The following HHIP variants were observed in gnomAD, a reference collection of about 807,000 sequenced individuals.
The protein encoded by HHIP is hedgehog interacting protein.
HHIP carries 12 observed loss-of-function variants against 74.0 expected under a neutral mutation model. The observed-to-expected ratio is 0.16, with a 90% CI of 0.10 to 0.26. The LOEUF is 0.26. Among genes scored for constraint, HHIP ranks in the 10% least tolerant of loss-of-function variants. The probability of loss-of-function intolerance (pLI) is 1.00; values close to 1 mark genes in which losing one functional copy is unlikely to be tolerated. For missense variants in HHIP, 788 were observed against 845.0 expected, an observed-to-expected ratio of 0.93 and a Z score of 0.84; for synonymous variants, 309 against 311.6, an observed-to-expected ratio of 0.99 and a Z score of 0.09.
Position 144,646,750 on chromosome 4 carries a change from T to C in HHIP, c.75T>C (p.Phe25=), listed in dbSNP as rs201336103. Residue 25 remains phenylalanine, a synonymous_variant, in exon 1 of 13, where the codon TTT becomes TTC. Transcript: ENST00000296575. ...GCTTCTTTGAAGGAGATGCTAAGTT[T>C]GGGGAAAGAAACGAAGGGAGCGGAG... ...ALGFFEGDAK[F]GERNEGSGAR... The C allele has an allele frequency of 1.7e-5, 28 of 1,613,936 alleles. No individual in the cohort carries two copies. Among genetic ancestry groups the C allele is most frequent in the Non-Finnish European group, 2.2e-5 (26 of 1,180,012 alleles).
chr4:144,735,571 A>G (rs190437560), intron 12 of HHIP, among the ~76,000 whole-genome samples: 320 of 152,306 alleles, frequency 2.1e-3, no homozygotes, highest in African/African-American at 7.3e-3. Flanking sequence ...AATTAGATAA[A>G]TTTAGAAACC....
At chr4:144,715,552 C>G (rs1239564282) in intron 10 of HHIP, 122 bp downstream of exon 10, 2 of 859,988 alleles carry the variant, frequency 2.3e-6, no homozygotes, top group African/African-American at 1.7e-5. Context: ...TAATCCACAG[C>G]AAAGATGACC....
chr4:144,707,047 C>A, intron 5 of HHIP, 40 bp from the exon 6 acceptor site: 2 of 1,568,924 alleles, frequency 1.3e-6, no homozygotes, highest in Non-Finnish European at 1.8e-6. Context: ...CATCTTAAAT[C>A]TTTTAACAGT....
chr4:144,733,799 A>C (rs1443684514), intron 11 of HHIP, among the ~76,000 whole-genome samples: 1 of 152,142 alleles, frequency 6.6e-6, no homozygotes, highest in East Asian at 1.9e-4. Flanking sequence ...CCTGAAGATT[A>C]GGTAATGAGC....
At chr4:144,707,330 C>T in intron 6 of HHIP, 70 bp downstream of exon 6, 1 of 1,318,222 alleles carries the variant, frequency 7.6e-7, no homozygotes, top group Non-Finnish European at 1.0e-6. Flanking sequence ...AAAAGGTGGG[C>T]ACCAGTGAAT....
rs1337590353 is a variant in HHIP at position 144,742,872 on chromosome 4, CTT to C, written c.*4919_*4920del. ...TTATATATATATCTTATATATATAT[CTT>C]TTTATATATATCTTATATATATATC... On this transcript the variant is annotated 3_prime_UTR_variant, in exon 13 of 13. Coordinates refer to ENST00000296575, the MANE Select transcript of HHIP (RefSeq NM_022475.3). The C allele has an allele frequency of 5.4e-5, 6 of 111,724 alleles. No homozygotes were observed. Among genetic ancestry groups the C allele is most frequent in the African/African-American group, 2.2e-4 (6 of 27,752 alleles). The allele number at this position is 111,724 out of a possible 1,614,324, so 6.9% of individuals were successfully genotyped here.
intron 4 of HHIP, among the ~76,000 whole-genome samples, chr4:144,706,293 G>GT (rs1322812972): frequency 1.3e-5 from 2 of 152,182 alleles, no homozygotes; most frequent in Non-Finnish European, 2.9e-5. Flanking sequence ...CAAAAGTGGT[G>GT]TAAGACTCTT....
intron 4 of HHIP, among the ~76,000 whole-genome samples, chr4:144,705,332 C>CAT (rs1408845614): frequency 6.6e-6 from 1 of 152,162 alleles, no homozygotes; most frequent in African/African-American, 2.4e-5. Flanking sequence ...AGAGTGCTTC[C>CAT]ATGACTGAAC....
chr4:144,729,705 T>C (rs1326495994), intron 11 of HHIP, among the ~76,000 whole-genome samples: 3 of 152,212 alleles, frequency 2.0e-5, no homozygotes, highest in Non-Finnish European at 4.4e-5. Context: ...CCAATGTGTC[T>C]GTGGATAAAG....
chr4:144,646,270 C>A lies in HHIP; in HGVS notation c.-406C>A. On this transcript the variant is annotated 5_prime_UTR_variant, in exon 1 of 13. Transcript: ENST00000296575. The stretch of plus-strand genomic sequence containing the variant: ...CGCCGCCGCCGTCGCCGTTTCTGTT[C>A]CTGCTACTGTCCCACCTAAACAACT... 5.8e-6 allele frequency: 1 copy of A among 171,448 alleles called. No individual in the cohort carries two copies. Among genetic ancestry groups the A allele is most frequent in the South Asian group, 1.6e-4 (1 of 6,402 alleles). 10.6% of individuals were successfully genotyped at this position (171,448 alleles called of 1,614,324 possible).
At chr4:144,664,089 A>T (rs182628220) in intron 4 of HHIP, among the ~76,000 whole-genome samples, 5 of 152,352 alleles carry the variant, frequency 3.3e-5, no homozygotes, top group Non-Finnish European at 1.5e-5. Flanking sequence ...AGCAGCACAC[A>T]GCAGACACAG....
At chr4:144,656,165 G>C (rs75781692) in intron 2 of HHIP, among the ~76,000 whole-genome samples, 3,145 of 152,150 alleles carry the variant, frequency 0.021, 113 homozygotes, top group African/African-American at 0.071. Flanking sequence ...TTAAGGTAAA[G>C]TATTAATAAA....
At chr4:144,671,327 T>C (rs1278546543) in intron 4 of HHIP, among the ~76,000 whole-genome samples, 1 of 151,982 alleles carries the variant, frequency 6.6e-6, no homozygotes, top group Non-Finnish European at 1.5e-5. Flanking sequence ...TGTTTTTTTT[T>C]TTTTTCTTAA....
intron 9 of HHIP, 46 bp downstream of exon 9, chr4:144,714,394 T>A: frequency 6.3e-7 from 1 of 1,594,822 alleles, no homozygotes; most frequent in Non-Finnish European, 8.6e-7. Flanking sequence ...AAATGACATA[T>A]CCATTAATCA....
chr4:144,659,619 T>C lies in HHIP; in HGVS notation c.630-18T>C. 6.3e-6 allele frequency: 9 copies of C among 1,434,674 alleles called. No homozygotes were observed. The highest frequency in any genetic ancestry group is 8.3e-6 in the Non-Finnish European group (9 of 1,089,962). 88.9% of individuals were successfully genotyped at this position (1,434,674 alleles called of 1,614,324 possible). On this transcript the variant is annotated intron_variant, in intron 3 of 12. Transcript: ENST00000296575. ...TTCATCTCAAGAAAAGCTTACCGGT[T>C]TTCTTTAATTTGTTTAGAAAGCACA...
Position 144,745,042 on chromosome 4 carries a change from T to C in HHIP, c.*7085T>C, listed in dbSNP as rs977182492. The C allele has an allele frequency of 1.3e-5, 2 of 152,240 alleles. No individual in the cohort carries two copies. The highest frequency in any genetic ancestry group is 4.8e-5 in the African/African-American group (2 of 41,464). The allele number at this position is 152,240 out of a possible 1,614,324, so 9.4% of individuals were successfully genotyped here. A position where few individuals can be genotyped will look rare whatever the true frequency, so the allele number is the denominator to read the frequency against. On this transcript the variant is annotated 3_prime_UTR_variant, in exon 13 of 13. Transcript: ENST00000296575. The stretch of plus-strand genomic sequence containing the variant: ...ATATAAATTCTAACAAGTGTATTTG[T>C]GTTATCTTTAAAATAGAACAATTGT...
At chr4:144,690,888 A>AT (rs1008560823) in intron 4 of HHIP, among the ~76,000 whole-genome samples, 4 of 151,402 alleles carry the variant, frequency 2.6e-5, no homozygotes, top group Admixed American at 6.6e-5. Flanking sequence ...GCTGTCCATG[A>AT]TTTTTTTTTA....
intron 4 of HHIP, among the ~76,000 whole-genome samples, chr4:144,687,751 CTTTTTTTTTTTTT>C (rs5862719): frequency 5.4e-5 from 4 of 73,442 alleles, no homozygotes; most frequent in Admixed American, 2.0e-4. Flanking sequence ...CTTTTGGCAA[CTTTTTTTTTTTTT>C]TTTTTTTTTT....
intron 12 of HHIP, among the ~76,000 whole-genome samples, chr4:144,736,079 C>A (rs535172507): frequency 2.7e-5 from 4 of 150,614 alleles, no homozygotes; most frequent in Non-Finnish European, 5.9e-5. Flanking sequence ...CAAATTCCTG[C>A]TAATTTATTA....
Sources: gnomAD v4.1 joint callset for allele counts (sites outside exome capture counted in the v4.1 genomes callset) on GRCh38, gnomAD v4.1.1 for gene constraint, MANE v1.5 for transcripts, NCBI Gene and HGNC (gene_info 2026-07-23, HGNC 2026-07-21) for gene names.